Variants in RASSF3 observed in about 807,000 individuals in gnomAD.
RASSF3 encodes ras association domain-containing protein 3.
RASSF3 carries 19 observed loss-of-function variants against 19.9 expected under a neutral mutation model. The ratio of observed to expected loss-of-function variants is 0.96; its 90% confidence interval spans 0.67 to 1.40. The LOEUF is 1.40. Among genes scored for constraint, RASSF3 ranks in the 40% most tolerant of loss-of-function variants. The pLI is 0.00. For synonymous variants in RASSF3, 110 were observed against 104.2 expected (o/e 1.06, Z -0.34); for missense variants, 306 against 289.8 (o/e 1.06, Z -0.41).
chr12:64,691,984 A>T (rs1368488227), intron 4 of RASSF3, among the ~76,000 whole-genome samples: 1 of 152,168 alleles, frequency 6.6e-6, no homozygotes, highest in Non-Finnish European at 1.5e-5. Flanking sequence ...ATTCCCTTCT[A>T]AAGGGATATA....
intron 2 of RASSF3, among the ~76,000 whole-genome samples, chr12:64,581,677 T>C (rs954509720): frequency 2.6e-5 from 4 of 152,132 alleles, no homozygotes; most frequent in Non-Finnish European, 5.9e-5. Context: ...TAGAATGTTT[T>C]TAAAGTTATA....
Position 64,554,594 on chromosome 12 carries a change from G to A in RASSF3, c.294+12889G>A, listed in dbSNP as rs538721841. ...TGCTGGGATTACAGGCATGAGCCAC[G>A]GTGCCTGGCCCAAAATGTGTTTTAA... On this transcript the variant is annotated intron_variant, in intron 2 of 5. Coordinates refer to the RASSF3 transcript ENST00000637125. Among the ~76,000 whole-genome samples the A allele has an allele frequency of 5.3e-5, 8 of 152,050 alleles. No individual in the cohort carries two copies. The East Asian group carries it at 7.7e-4, about 15-fold the overall frequency.
chr12:64,637,288 G>A (rs929219781), intron 1 of RASSF3, among the ~76,000 whole-genome samples: 3 of 152,048 alleles, frequency 2.0e-5, no homozygotes, highest in African/African-American at 7.3e-5. Flanking sequence ...TGACTGAGTG[G>A]GTGTCTTTTA....
intron 1 of RASSF3, among the ~76,000 whole-genome samples, chr12:64,633,048 C>G (rs1186244053): frequency 1.3e-5 from 2 of 152,170 alleles, no homozygotes; most frequent in Non-Finnish European, 2.9e-5. Flanking sequence ...ATGCTGTTAT[C>G]TTGATCTGGC....
At chr12:64,554,501 C>T (rs1305592292) in intron 2 of RASSF3, among the ~76,000 whole-genome samples, 7 of 152,126 alleles carry the variant, frequency 4.6e-5, no homozygotes, top group African/African-American at 9.7e-5. Flanking sequence ...GACAGGGTTT[C>T]GCCATGTTGG....
intron 2 of RASSF3, among the ~76,000 whole-genome samples, chr12:64,604,316 G>A (rs1376087352): frequency 6.6e-6 from 1 of 151,902 alleles, no homozygotes; most frequent in East Asian, 1.9e-4. Context: ...TGTAGAGACA[G>A]GGTTTCGTGA....
At chr12:64,534,345 A>T (rs1198773498) in intron 1 of RASSF3, among the ~76,000 whole-genome samples, 1 of 151,850 alleles carries the variant, frequency 6.6e-6, no homozygotes, top group Non-Finnish European at 1.5e-5. Flanking sequence ...ATAACAAAAA[A>T]CTAGCCAGTC....
At chr12:64,600,383 A>G (rs749001248) in intron 2 of RASSF3, among the ~76,000 whole-genome samples, 3 of 152,184 alleles carry the variant, frequency 2.0e-5, no homozygotes, top group African/African-American at 4.8e-5. Flanking sequence ...TTCATTGGAC[A>G]TGAATAAACT....
At chr12:64,627,020 G>C (rs547123735) in intron 1 of RASSF3, among the ~76,000 whole-genome samples, 2 of 152,240 alleles carry the variant, frequency 1.3e-5, no homozygotes, top group South Asian at 4.1e-4. Flanking sequence ...TAAGTTCCTT[G>C]AGTAACAGTT....
chr12:64,542,877 C>T (rs559150621), downstream of RASSF3, among the ~76,000 whole-genome samples: 23 of 152,326 alleles, frequency 1.5e-4, no homozygotes, highest in African/African-American at 4.8e-4. Context: ...GGAGCCCCTT[C>T]CTGGGATGGC....
intron 1 of RASSF3, among the ~76,000 whole-genome samples, chr12:64,625,554 C>T (rs1870957574): frequency 6.6e-6 from 1 of 151,976 alleles, no homozygotes; most frequent in South Asian, 2.1e-4. Context: ...AATTCCGCTT[C>T]TTCCTGGGGC....
At chr12:64,510,050 A>G (rs1406892611) in intron 1 of RASSF3, among the ~76,000 whole-genome samples, 4 of 151,034 alleles carry the variant, frequency 2.6e-5, no homozygotes, top group Admixed American at 2.0e-4. Context: ...TCGCACCACT[A>G]CACTGCATGC....
Position 64,560,432 on chromosome 12 carries a change from A to G in RASSF3, c.294+18727A>G, listed in dbSNP as rs189907473. Among the ~76,000 whole-genome samples, 10 of 152,292 alleles carry G rather than the reference A, an allele frequency of 6.6e-5. No homozygotes were observed. In the East Asian group the frequency reaches 1.9e-3, roughly 29 times the overall value. Reference sequence around the variant, plus strand: ...CAATACAACTTAGCAGTAATCAGTCAACTCTGCTCTCCCTGTAGCTATCAT... The same window carrying G: ...CAATACAACTTAGCAGTAATCAGTCGACTCTGCTCTCCCTGTAGCTATCAT... On this transcript the variant is annotated intron_variant, in intron 2 of 5. Coordinates refer to the RASSF3 transcript ENST00000637125.
At chr12:64,680,235 T>G (rs1873072792) in intron 1 of RASSF3, among the ~76,000 whole-genome samples, 1 of 152,120 alleles carries the variant, frequency 6.6e-6, no homozygotes, top group Non-Finnish European at 1.5e-5. Context: ...TTGGAAAGTT[T>G]TTAGAGTTAA....
intron 1 of RASSF3, among the ~76,000 whole-genome samples, chr12:64,616,865 G>T (rs1346237167): frequency 2.6e-5 from 4 of 152,064 alleles, no homozygotes; most frequent in Non-Finnish European, 5.9e-5. Context: ...AGGCCCCATC[G>T]CCATCTCAGA....
chr12:64,514,570 C>G (rs1472205174), intron 1 of RASSF3, among the ~76,000 whole-genome samples: 1 of 152,158 alleles, frequency 6.6e-6, no homozygotes, highest in African/African-American at 2.4e-5. Flanking sequence ...CAGGTCTGGA[C>G]TGCAGAGGGG....
At chr12:64,693,929 G>C (rs1868320040) in intron 4 of RASSF3, among the ~76,000 whole-genome samples, 1 of 152,178 alleles carries the variant, frequency 6.6e-6, no homozygotes, top group Non-Finnish European at 1.5e-5. Flanking sequence ...CTCTGTGAAG[G>C]CTTTTGATAC....
intron 1 of RASSF3, among the ~76,000 whole-genome samples, chr12:64,517,771 A>G (rs1868393570): frequency 2.6e-5 from 4 of 151,908 alleles, no homozygotes; most frequent in Admixed American, 2.6e-4. Context: ...GGCACACACC[A>G]GCATGCCCAG....
chr12:64,625,632 T>C (rs1870959800), intron 1 of RASSF3, among the ~76,000 whole-genome samples: 2 of 152,074 alleles, frequency 1.3e-5, no homozygotes, highest in African/African-American at 4.8e-5. Context: ...TCTTTCTGGT[T>C]TTCATGAGAT....
Sources: allele counts gnomAD v4.1 joint callset (sites outside exome capture counted in the v4.1 genomes callset), GRCh38; gene constraint gnomAD v4.1.1; transcripts MANE v1.5; gene names NCBI Gene and HGNC (gene_info 2026-07-23, HGNC 2026-07-21).